Variants in RBL1 observed in about 807,000 individuals in gnomAD.
The protein encoded by RBL1 is RB transcriptional corepressor like 1.
RBL1 carries 82 observed loss-of-function variants against 123.0 expected under a neutral mutation model. The ratio of observed to expected loss-of-function variants is 0.67; its 90% CI spans 0.56 to 0.80. The LOEUF is 0.80. Among genes scored for constraint, RBL1 ranks in the 30% least tolerant of loss-of-function variants. The pLI is 0.00. For missense variants in RBL1, 1,171 were observed against 1,299.6 expected (o/e 0.90, Z 1.52); for synonymous variants, 405 against 441.3 (o/e 0.92, Z 1.03).
chr20:37,073,714 A>G (rs1237569358), intron 2 of RBL1, among the ~76,000 whole-genome samples: 1 of 149,884 alleles, frequency 6.7e-6, no homozygotes, highest in Admixed American at 6.7e-5. Context: ...AGAAAAAAAA[A>G]AAAAAAAAGA....
chr20:37,030,876 A>C (rs2064500009), intron 16 of RBL1, among the ~76,000 whole-genome samples: 1 of 150,626 alleles, frequency 6.6e-6, no homozygotes, highest in Non-Finnish European at 1.5e-5. Context: ...AAACAAAAAC[A>C]AAAAACCCAA....
At position 37,038,286 on chromosome 20, in the gene RBL1, C is replaced by T. The variant is rs113440233; in HGVS notation, c.1903+1867G>A. On this transcript the variant is annotated intron_variant, in intron 14 of 21. Coordinates refer to ENST00000373664, the MANE Select transcript of RBL1 (RefSeq NM_002895.5). ...GGATTACAGGCGTGAGCCACTGTGC[C>T]TGACCTTATGCAATCTTTTTTTTTT... Among the ~76,000 whole-genome samples the T allele has an allele frequency of 4.4e-3, 664 of 150,950 alleles. 8 individuals are homozygous for T. The highest frequency in any genetic ancestry group is 0.014 in the African/African-American group (578 of 41,094).
chr20:37,061,494 T>C (rs1202568286), intron 8 of RBL1, among the ~76,000 whole-genome samples: 1 of 152,210 alleles, frequency 6.6e-6, no homozygotes, highest in Non-Finnish European at 1.5e-5. Context: ...AGATAATGTA[T>C]ACATAATTTA....
intron 11 of RBL1, among the ~76,000 whole-genome samples, chr20:37,054,042 C>A (rs990328014): frequency 6.6e-6 from 1 of 151,744 alleles, no homozygotes; most frequent in African/African-American, 2.4e-5. Context: ...CACACACACA[C>A]ACACACACAC....
intron 1 of RBL1, among the ~76,000 whole-genome samples, chr20:37,094,947 A>G (rs1436299224): frequency 2.6e-5 from 4 of 152,262 alleles, no homozygotes; most frequent in Non-Finnish European, 4.4e-5. Flanking sequence ...CTGGGTTTCT[A>G]TATTAGAATA....
Position 37,022,677 on chromosome 20 carries a change from G to A in RBL1, c.2532C>T (p.Leu844=). Residue 844 remains leucine, a synonymous_variant, in exon 17 of 22, where the codon CTC becomes CTT. Transcript: ENST00000373664. ...TTGCCATGATATAAAAGGCACAAAG[G>A]AGGAGCTGATCCAAATGCCTGTCTT... The part of the protein sequence containing the change: ...LMKDRHLDQL[L]LCAFYIMAKV... 1 of 1,612,596 alleles carries A rather than the reference G, an allele frequency of 6.2e-7. No homozygotes were observed. Among genetic ancestry groups the A allele is most frequent in the Non-Finnish European group, 8.5e-7 (1 of 1,179,254 alleles).
At chr20:37,066,949 C>T (rs760908681) in intron 5 of RBL1, 44 bp downstream of exon 5, 3 of 1,592,926 alleles carry the variant, frequency 1.9e-6, no homozygotes, top group African/African-American at 1.4e-5. Flanking sequence ...AATCTTTTTC[C>T]AAAAACTGAT....
At chr20:37,023,216 C>T (rs2064371101) in intron 16 of RBL1, among the ~76,000 whole-genome samples, 1 of 151,892 alleles carries the variant, frequency 6.6e-6, no homozygotes, top group Non-Finnish European at 1.5e-5. Context: ...CTGCCTTCTG[C>T]ATTCAAGCAA....
chr20:36,999,774 G>A (rs1289995902), intron 21 of RBL1, among the ~76,000 whole-genome samples: 3 of 152,246 alleles, frequency 2.0e-5, no homozygotes, highest in Non-Finnish European at 2.9e-5. Flanking sequence ...GATGGCAGAC[G>A]GAGTCGCGTT....
chr20:37,087,595 AT>A (rs932425776), intron 2 of RBL1, among the ~76,000 whole-genome samples: 8 of 152,066 alleles, frequency 5.3e-5, no homozygotes, highest in African/African-American at 1.7e-4. Context: ...CTCTAAAAAA[AT>A]TTTTTTTAAT....
chr20:37,050,857 GA>G (rs111688184), intron 11 of RBL1, among the ~76,000 whole-genome samples: 3,687 of 144,490 alleles, frequency 0.026, 142 homozygotes, highest in African/African-American at 0.088. Context: ...AAAGATTTCA[GA>G]AAAAAAAAAC....
chr20:37,005,194 G>A (rs2064050720), intron 20 of RBL1, among the ~76,000 whole-genome samples: 3 of 152,022 alleles, frequency 2.0e-5, no homozygotes, highest in Admixed American at 2.0e-4. Flanking sequence ...GGATCATGAG[G>A]TCAGGAGTTC....
intron 14 of RBL1, among the ~76,000 whole-genome samples, chr20:37,039,101 T>C (rs898847411): frequency 2.0e-5 from 3 of 151,796 alleles, no homozygotes; most frequent in African/African-American, 7.3e-5. Flanking sequence ...CGCTATATAA[T>C]CCACAAGATA....
At position 37,066,808 on chromosome 20, in the gene RBL1, T is replaced by G; in HGVS notation, c.762A>C (p.Glu254Asp). ...EPPCIIAVLC[E>D]LHDGLLVEAK... ...CTTCTACGAGAAGTCCATCATGCAG[T>G]TCACACAGTACAGCAATGATGCAGG... is the stretch of plus-strand genomic sequence containing the variant. Residue 254 changes from glutamate (E) to aspartate (D), a missense_variant, in exon 6 of 22, where the codon GAA becomes GAC. Transcript: ENST00000373664. 1 of 1,613,280 alleles carries G rather than the reference T, an allele frequency of 6.2e-7. No individual in the cohort carries two copies. Among genetic ancestry groups the G allele is most frequent in the Non-Finnish European group, 8.5e-7 (1 of 1,179,300 alleles).
intron 2 of RBL1, among the ~76,000 whole-genome samples, chr20:37,078,758 TG>T (rs1450103597): frequency 1.3e-5 from 2 of 152,060 alleles, no homozygotes; most frequent in Non-Finnish European, 2.9e-5. Flanking sequence ...TTGCTGAGGC[TG>T]GGGGTAAGGG....
chr20:37,035,650 T>G (rs2064598892), intron 14 of RBL1, 142 bp from the exon 15 acceptor site: 1 of 672,196 alleles, frequency 1.5e-6, no homozygotes, highest in East Asian at 2.9e-5. Context: ...TCATGGAATA[T>G]GTAGTCTACT....
chr20:37,023,290 T>C (rs1362287211), intron 16 of RBL1, among the ~76,000 whole-genome samples: 1 of 152,040 alleles, frequency 6.6e-6, no homozygotes, highest in Non-Finnish European at 1.5e-5. Context: ...CCTAGCTAAA[T>C]TTTTGTATTT....
At chr20:37,060,215 C>A (rs971953797) in intron 9 of RBL1, among the ~76,000 whole-genome samples, 2 of 137,150 alleles carry the variant, frequency 1.5e-5, no homozygotes, top group East Asian at 2.2e-4. Context: ...TAAATAAATC[C>A]ATTTTTATGG....
At chr20:37,003,667 A>C in intron 21 of RBL1, 35 bp downstream of exon 21, 1 of 1,549,058 alleles carries the variant, frequency 6.5e-7, no homozygotes, top group African/African-American at 1.4e-5. Flanking sequence ...ACTGACTGTT[A>C]ATCTGAAATC....
Sources: gnomAD v4.1 joint callset for allele counts (sites outside exome capture counted in the v4.1 genomes callset) on GRCh38, gnomAD v4.1.1 for gene constraint, MANE v1.5 for transcripts, NCBI Gene and HGNC (gene_info 2026-07-23, HGNC 2026-07-21) for gene names.